CAPN9: variants seen among roughly 807,000 people sequenced by gnomAD.
CAPN9 encodes the protein calpain 9.
A neutral mutation model predicts 92.8 loss-of-function variants in CAPN9; 81 were observed. That is an observed-to-expected ratio of 0.87 (90% CI 0.73 to 1.05). CAPN9 has a LOEUF of 1.05. Ranked by LOEUF, CAPN9 falls within the 50% of genes least tolerant of loss-of-function variation. The probability of loss-of-function intolerance (pLI) is 0.00; values close to 1 mark genes in which losing one functional copy is unlikely to be tolerated. For synonymous variants in CAPN9, 304 were observed against 328.0 expected (o/e 0.93, Z 0.79); for missense variants, 848 against 866.2 (o/e 0.98, Z 0.26).
At chr1:230,761,147 A>C (rs534649464) in intron 3 of CAPN9, among the ~76,000 whole-genome samples, 41 of 152,142 alleles carry the variant, frequency 2.7e-4, no homozygotes, top group Non-Finnish European at 5.0e-4. Context: ...GGGGGTGGGG[A>C]GTGACCCTGT....
intron 1 of CAPN9, among the ~76,000 whole-genome samples, chr1:230,751,827 GA>G (rs1242583687): frequency 3.5e-5 from 4 of 115,678 alleles, no homozygotes; most frequent in Non-Finnish European, 6.6e-5. Context: ...AGTGCTCCAG[GA>G]AAACCACCTG....
chr1:230,776,189 T>C (rs191359458), intron 8 of CAPN9: 3 of 152,268 alleles, frequency 2.0e-5, no homozygotes, highest in Admixed American at 2.0e-4. Context: ...TTCTGATTTA[T>C]AGATGGATCC....
At chr1:230,764,465 G>A (rs754187473) in intron 4 of CAPN9, among the ~76,000 whole-genome samples, 7 of 152,144 alleles carry the variant, frequency 4.6e-5, no homozygotes, top group Non-Finnish European at 1.0e-4. Flanking sequence ...CAGCTTTCCT[G>A]GTTCTCCAGT....
chr1:230,789,803 G>A (rs1667857761), intron 13 of CAPN9, among the ~76,000 whole-genome samples: 1 of 152,172 alleles, frequency 6.6e-6, no homozygotes, highest in Non-Finnish European at 1.5e-5. Context: ...CATCTGAGGA[G>A]CTTAGGACAA....
intron 19 of CAPN9, among the ~76,000 whole-genome samples, chr1:230,801,149 A>G (rs1668704096): frequency 6.6e-6 from 1 of 152,088 alleles, no homozygotes; most frequent in African/African-American, 2.4e-5. Flanking sequence ...AACACCCCCC[A>G]GCTATGGAAC....
At chr1:230,762,838 C>T (rs1355040734) in intron 4 of CAPN9, 52 bp downstream of exon 4, 2 of 1,580,694 alleles carry the variant, frequency 1.3e-6, no homozygotes, top group East Asian at 2.3e-5. Context: ...AGTCTCTACA[C>T]TAGTCTTTGT....
intron 13 of CAPN9, among the ~76,000 whole-genome samples, chr1:230,787,988 C>G (rs532859930): frequency 6.6e-6 from 1 of 152,018 alleles, no homozygotes; most frequent in African/African-American, 2.4e-5. Flanking sequence ...CCTGAGTAGC[C>G]GGGACTATAG....
At position 230,777,777 on chromosome 1, in the gene CAPN9, C is replaced by G. The variant is rs551635465; in HGVS notation, c.954-1196C>G. Among the ~76,000 whole-genome samples the G allele has an allele frequency of 2.6e-5, 4 of 152,124 alleles. No homozygotes were observed. In the East Asian group the frequency reaches 7.8e-4, roughly 30 times the overall value. On this transcript the variant is annotated intron_variant, in intron 8 of 19. Transcript: ENST00000271971. ...CAGGAGCCCTTGACGTGCTGGATTGCGGGGGACCACACGCCCTGGTGGTCC... is the reference window on the plus strand; with the variant it reads ...CAGGAGCCCTTGACGTGCTGGATTGGGGGGGACCACACGCCCTGGTGGTCC...
intron 19 of CAPN9, among the ~76,000 whole-genome samples, chr1:230,798,589 T>G (rs1177495512): frequency 6.6e-6 from 1 of 152,206 alleles, no homozygotes; most frequent in Admixed American, 6.5e-5. Context: ...CACTCTCCCT[T>G]GCTCATGTTG....
Position 230,772,112 on chromosome 1 carries a change from A to G in CAPN9, c.875+13A>G, listed in dbSNP as rs564276452. The G allele has an allele frequency of 3.5e-5, 57 of 1,612,066 alleles. 2 individuals are homozygous for G. In the South Asian group the frequency reaches 3.8e-4, roughly 11 times the overall value. On this transcript the variant is annotated intron_variant, in intron 7 of 19. Coordinates refer to ENST00000271971, the MANE Select transcript of CAPN9 (RefSeq NM_006615.3). ...CGTGGAGCGACAGGTCAGTCACCCTATCCTGCCTCTCTGGCTGGTTCCCGG... is the reference window on the plus strand; with the variant it reads ...CGTGGAGCGACAGGTCAGTCACCCTGTCCTGCCTCTCTGGCTGGTTCCCGG...
At chr1:230,756,704 G>T (rs1221488106) in intron 2 of CAPN9, among the ~76,000 whole-genome samples, 1 of 152,160 alleles carries the variant, frequency 6.6e-6, no homozygotes, top group African/African-American at 2.4e-5. Context: ...GGGAGGCCGA[G>T]GCAGGAGAAT....
At chr1:230,789,414 A>G (rs1035296352) in intron 13 of CAPN9, among the ~76,000 whole-genome samples, 1 of 145,996 alleles carries the variant, frequency 6.8e-6, no homozygotes, top group Non-Finnish European at 1.5e-5. Flanking sequence ...TTGAGGCTGC[A>G]GTCAGCTGTG....
chr1:230,755,342 C>G lies in CAPN9; in HGVS notation c.219C>G (p.Ile73Met). 1 of 1,609,356 alleles carries G rather than the reference C, an allele frequency of 6.2e-7. No individual in the cohort carries two copies. Among genetic ancestry groups the G allele is most frequent in the Non-Finnish European group, 8.5e-7 (1 of 1,177,590 alleles). Residue 73 changes from isoleucine (I) to methionine (M), a missense_variant, in exon 2 of 20, where the codon ATC (isoleucine) becomes ATG (methionine). Coordinates refer to ENST00000271971, the MANE Select transcript of CAPN9 (RefSeq NM_006615.3). ...IPFVWKRPGE[I>M]VKNPEFILGG... ...TAACACTCTCATTCCTCCAGGAAAT[C>G]GTGAAAAACCCAGAATTCATTCTTG...
intron 14 of CAPN9, chr1:230,790,396 A>G: frequency 1.3e-6 from 1 of 793,162 alleles, no homozygotes; most frequent in Non-Finnish European, 1.5e-6. Context: ...AAATGCAGAA[A>G]AGCCTAATGA....
At chr1:230,756,409 A>C (rs1665231650) in intron 2 of CAPN9, among the ~76,000 whole-genome samples, 1 of 152,204 alleles carries the variant, frequency 6.6e-6, no homozygotes, top group Non-Finnish European at 1.5e-5. Flanking sequence ...AGATAGATAA[A>C]TAGGTTGATA....
chr1:230,754,424 C>T (rs28359594), intron 1 of CAPN9, among the ~76,000 whole-genome samples: 2,833 of 146,642 alleles, frequency 0.019, 93 homozygotes, highest in African/African-American at 0.066. Flanking sequence ...ATATATAATG[C>T]ACTTCGGTGA....
rs764796593 is a variant in CAPN9, at chr1:230,792,908, G to C, written c.1850G>C (p.Arg617Pro). Residue 617 changes from arginine to proline, a missense_variant, in exon 17 of 20, where the codon CGG (arginine) becomes CCG (proline). Transcript: ENST00000271971. ...GGCACCATGTCTACCTATGAACTACGGACTGCACTGAAAGCTGCAGGTAAA... is the reference window on the plus strand; with the variant it reads ...GGCACCATGTCTACCTATGAACTACCGACTGCACTGAAAGCTGCAGGTAAA... ...KSGTMSTYEL[R>P]TALKAAGFQL... is the part of the protein sequence containing the mutation. 5.0e-6 allele frequency: 8 copies of C among 1,613,656 alleles called. No individual in the cohort carries two copies. The highest frequency in any genetic ancestry group is 6.8e-6 in the Non-Finnish European group (8 of 1,179,620).
chr1:230,750,669 C>T lies in CAPN9; in HGVS notation c.213+2960C>T, dbSNP rs185647263. Among the ~76,000 whole-genome samples the T allele has an allele frequency of 4.1e-4, 62 of 152,268 alleles. No homozygotes were observed. The East Asian group carries it at 0.011, about 27-fold the overall frequency. On this transcript the variant is annotated intron_variant, in intron 1 of 19. Coordinates refer to ENST00000271971, the MANE Select transcript of CAPN9 (RefSeq NM_006615.3). ...TGCACATCTCAGCAGCCCGTGGGAC[C>T]GTGGGGCTGGACGGCCCTCCTCCTC...
chr1:230,795,163 G>A lies in CAPN9; in HGVS notation c.1871G>A (p.Gly624Asp). 8 of 1,604,102 alleles carry A rather than the reference G, an allele frequency of 5.0e-6. No individual in the cohort carries two copies. The highest frequency in any genetic ancestry group is 6.0e-6 in the Non-Finnish European group (7 of 1,171,804). ...YELRTALKAA[G>D]FQLSSHLLQL... ...TGGGTCTCCTCCTTTGTCCCCACAG[G>A]CTTTCAGCTGAGCAGCCACCTCCTG... The change falls in exon 18 of 20, where the codon GGC becomes GAC. Residue 624 changes from glycine (G) to aspartate (D), a missense_variant and splice_region_variant. By Grantham distance (94) the Gly-to-Asp change is moderately conservative (BLOSUM62 -1). Coordinates refer to ENST00000271971, the MANE Select transcript of CAPN9 (RefSeq NM_006615.3).
Sources: allele counts gnomAD v4.1 joint callset (sites outside exome capture counted in the v4.1 genomes callset), GRCh38; gene constraint gnomAD v4.1.1; transcripts MANE v1.5; gene names NCBI Gene and HGNC (gene_info 2026-07-23, HGNC 2026-07-21).